Variants in GDPD4 observed in about 807,000 individuals in gnomAD.
GDPD4 encodes the protein glycerophosphodiester phosphodiesterase domain containing 4, also known as glycerophosphodiester phosphodiesterase 6.
Under a neutral mutation model 67.8 loss-of-function variants are expected in GDPD4, and 60 were observed. The observed-to-expected ratio is 0.88, with a 90% CI of 0.72 to 1.10. The LOEUF (loss-of-function observed/expected upper bound fraction) is 1.10. Ranked by LOEUF, GDPD4 falls within the 50% of genes least tolerant of loss-of-function variation. The pLI is 0.00. For missense variants in GDPD4, 623 were observed against 613.9 expected (o/e 1.01, Z -0.16); for synonymous variants, 212 against 210.9 (o/e 1.00, Z -0.04).
At chr11:77,300,221 C>A (rs889732360) in intron 1 of GDPD4, among the ~76,000 whole-genome samples, 1 of 151,932 alleles carries the variant, frequency 6.6e-6, no homozygotes, top group African/African-American at 2.4e-5. Flanking sequence ...TCTAAATTAG[C>A]CAATTGGAAT....
At chr11:77,219,943 T>C (rs1261212170) in intron 16 of GDPD4, among the ~76,000 whole-genome samples, 1 of 152,202 alleles carries the variant, frequency 6.6e-6, no homozygotes, top group Non-Finnish European at 1.5e-5. Context: ...TGTTTGTCTG[T>C]TATTGGTGTA....
intron 10 of GDPD4, among the ~76,000 whole-genome samples, chr11:77,266,245 C>T (rs1030982166): frequency 6.6e-6 from 1 of 152,062 alleles, no homozygotes; most frequent in Admixed American, 6.6e-5. Context: ...CAGTCAACAA[C>T]GGACCTCATA....
intron 16 of GDPD4, among the ~76,000 whole-genome samples, chr11:77,222,225 A>G (rs1302350851): frequency 6.6e-6 from 1 of 152,154 alleles, no homozygotes; most frequent in Admixed American, 6.5e-5. Context: ...ATTTACATTT[A>G]AGGTTAATAT....
intron 16 of GDPD4, among the ~76,000 whole-genome samples, chr11:77,222,484 A>AAGCTT (rs1037729086): frequency 1.6e-4 from 25 of 152,266 alleles, no homozygotes; most frequent in African/African-American, 6.0e-4. Flanking sequence ...TTCACTTATG[A>AAGCTT]AGCTTAGTTT....
chr11:77,265,017 T>C (rs1959171865), intron 10 of GDPD4, among the ~76,000 whole-genome samples: 1 of 152,106 alleles, frequency 6.6e-6, no homozygotes, highest in African/African-American at 2.4e-5. Flanking sequence ...ATCTGTTTAA[T>C]AAGACAACCT....
chr11:77,278,042 G>C (rs912485238), intron 4 of GDPD4, among the ~76,000 whole-genome samples: 1 of 151,878 alleles, frequency 6.6e-6, no homozygotes, highest in African/African-American at 2.4e-5. Flanking sequence ...GTAGTTGAGC[G>C]GTTTTGAGTG....
Position 77,236,443 on chromosome 11 carries a change from G to A in GDPD4, c.1242-3271C>T, listed in dbSNP as rs188061815. 1.5e-4 allele frequency among the ~76,000 whole-genome samples: 23 copies of A among 151,938 alleles called. No individual in the cohort carries two copies. In the East Asian group the frequency reaches 4.0e-3, roughly 27 times the overall value. ...GACCTAACATTCCAATTAAAAGTCC[G>A]AGATTATCCTACTAGATATAAAAGA... On this transcript the variant is annotated intron_variant, in intron 13 of 16. Transcript: ENST00000315938.
intron 11 of GDPD4, among the ~76,000 whole-genome samples, chr11:77,252,067 T>G (rs1332838787): frequency 0.075 from 3,395 of 45,296 alleles, 182 homozygotes; most frequent in African/African-American, 0.13. Context: ...TTTTTTTTGT[T>G]TTTTTTTTTT....
rs1005481142 is a variant in GDPD4, at chr11:77,216,796, G to A, written c.*481C>T. The A allele has an allele frequency of 2.3e-5, 14 of 612,064 alleles. No homozygotes were observed. The highest frequency in any genetic ancestry group is 5.6e-5 in the Admixed American group (2 of 35,790). 37.9% of individuals were successfully genotyped at this position (612,064 alleles called of 1,614,324 possible). ...CCACTCCCCACCATCACCACCCTTA[G>A]GCAGAGAGAGGAAGAAGCAGGGGAG... On this transcript the variant is annotated 3_prime_UTR_variant, in exon 17 of 17. Transcript: ENST00000315938.
At chr11:77,265,232 A>G (rs1428732598) in intron 10 of GDPD4, among the ~76,000 whole-genome samples, 2 of 152,082 alleles carry the variant, frequency 1.3e-5, no homozygotes, top group African/African-American at 4.8e-5. Context: ...TGTCAATTTA[A>G]TTTGTAGACT....
chr11:77,284,389 G>A (rs967602520), intron 3 of GDPD4, among the ~76,000 whole-genome samples: 50 of 152,068 alleles, frequency 3.3e-4, no homozygotes, highest in African/African-American at 9.7e-4. Context: ...AGTGAGACTA[G>A]GCAGATACTA....
At chr11:77,244,574 C>T (rs1958743487) in intron 12 of GDPD4, among the ~76,000 whole-genome samples, 1 of 152,088 alleles carries the variant, frequency 6.6e-6, no homozygotes, top group Non-Finnish European at 1.5e-5. Flanking sequence ...TGTGGTGGCT[C>T]ATGCCTGTAT....
Position 77,257,578 on chromosome 11 carries a change from C to CAG in GDPD4, c.864+807_864+808insCT, listed in dbSNP as rs1259701103. Among the ~76,000 whole-genome samples the CAG allele has an allele frequency of 5.3e-3, 797 of 151,454 alleles. 7 individuals carry two copies. Among genetic ancestry groups the CAG allele is most frequent in the Non-Finnish European group, 8.4e-3 (570 of 67,766 alleles). The stretch of plus-strand genomic sequence containing the variant: ...ACACACACACACACACACACACACA[C>CAG]ACACACACACACACACCCTGTTGCT... On this transcript the variant is annotated intron_variant, in intron 11 of 16. Coordinates refer to ENST00000315938, the MANE Select transcript of GDPD4 (RefSeq NM_182833.3).
chr11:77,217,677 CTTGT>C (rs1447401867), intron 16 of GDPD4, among the ~76,000 whole-genome samples: 1 of 152,178 alleles, frequency 6.6e-6, no homozygotes, highest in Non-Finnish European at 1.5e-5. Flanking sequence ...GAGACTTTGT[CTTGT>C]TTGCCACTAC....
chr11:77,221,351 T>C (rs1958220490), intron 16 of GDPD4, among the ~76,000 whole-genome samples: 3 of 152,244 alleles, frequency 2.0e-5, no homozygotes, highest in South Asian at 4.1e-4. Flanking sequence ...TCTTTCCTGC[T>C]TTCCCTTGTG....
chr11:77,232,882 G>T, intron 14 of GDPD4, 143 bp downstream of exon 14: 3 of 654,564 alleles, frequency 4.6e-6, no homozygotes, highest in Non-Finnish European at 2.5e-6. Flanking sequence ...TGTGAGAATG[G>T]AAAATACCAC....
chr11:77,233,060 G>T lies in GDPD4; in HGVS notation c.1354C>A (p.Leu452Ile), dbSNP rs1311335578. 8 of 1,613,922 alleles carry T rather than the reference G, an allele frequency of 5.0e-6. No homozygotes were observed. Among genetic ancestry groups the T allele is most frequent in the Admixed American group, 1.7e-5 (1 of 59,980 alleles). ...TGAGGGTGATCAAGCTGACTCAGGAGCCCAATGTTGTCTGTGGTCACTGAG... is the reference window on the plus strand; with the variant it reads ...TGAGGGTGATCAAGCTGACTCAGGATCCCAATGTTGTCTGTGGTCACTGAG... ...INSVTTDNIG[L>I]LSQLDHPHFF... Residue 452 changes from leucine (L) to isoleucine (I), a missense_variant, in exon 14 of 17, where the codon CTC becomes ATC. By Grantham distance (5) the Leu-to-Ile change is conservative (BLOSUM62 2). Transcript: ENST00000315938.
At chr11:77,233,223 T>G in intron 13 of GDPD4, 51 bp from the exon 14 acceptor site, 1 of 1,580,240 alleles carries the variant, frequency 6.3e-7, no homozygotes, top group Non-Finnish European at 8.7e-7. Context: ...TTCATTCTCA[T>G]CATCTAAAAG....
intron 1 of GDPD4, among the ~76,000 whole-genome samples, chr11:77,301,109 G>A (rs1793469): frequency 0.75 from 113,406 of 152,164 alleles, 43,379 homozygotes; most frequent in African/African-American, 0.93. Context: ...AGGGGAGATC[G>A]AGAAACACTG....
Sources: gnomAD v4.1 joint callset for allele counts (sites outside exome capture counted in the v4.1 genomes callset) on GRCh38, gnomAD v4.1.1 for gene constraint, MANE v1.5 for transcripts, NCBI Gene and HGNC (gene_info 2026-07-23, HGNC 2026-07-21) for gene names.